The following KIF21B variants were observed in gnomAD, a reference collection of about 807,000 sequenced individuals.
KIF21B encodes kinesin-like protein KIF21B.
In KIF21B, 85 loss-of-function variants were observed where a neutral mutation model predicts 192.9. That is an observed-to-expected ratio of 0.44 (90% CI 0.37 to 0.53). KIF21B has a LOEUF of 0.53. KIF21B is among the 20% of genes least tolerant of loss of function. KIF21B has a pLI of 0.00. For missense variants in KIF21B, 1,716 were observed against 2,194.8 expected (o/e 0.78, Z 4.36); for synonymous variants, 832 against 884.6 (o/e 0.94, Z 1.05).
intron 31 of KIF21B, among the ~76,000 whole-genome samples, 153 bp from the exon 32 acceptor site, chr1:200,977,046 C>G (rs1655599506): frequency 6.6e-6 from 1 of 152,222 alleles, no homozygotes; most frequent in Non-Finnish European, 1.5e-5. Context: ...ATGAGCTACC[C>G]TGCATCCCAG....
intron 26 of KIF21B, among the ~76,000 whole-genome samples, chr1:200,985,823 T>TCCCTC (rs1656259677): frequency 1.3e-5 from 1 of 78,536 alleles, no homozygotes; most frequent in Admixed American, 1.3e-4. Context: ...TCCTTTCCCT[T>TCCCTC]CCCTTCCCTT....
chr1:200,988,400 T>G (rs768384025), intron 23 of KIF21B, 47 bp from the exon 24 acceptor site: 24 of 1,612,572 alleles, frequency 1.5e-5, no homozygotes, highest in Non-Finnish European at 2.0e-5. Flanking sequence ...AGCCCCCAAA[T>G]TCAGGCTCAG....
intron 1 of KIF21B, 82 bp from the exon 2 acceptor site, chr1:201,009,570 G>A (rs1658117136): frequency 1.5e-6 from 2 of 1,336,164 alleles, no homozygotes; most frequent in Non-Finnish European, 2.1e-6. Flanking sequence ...TGCCTGCCAA[G>A]CTGCCACTTC....
chr1:201,006,682 T>G (rs1010076017), intron 3 of KIF21B, among the ~76,000 whole-genome samples: 1 of 152,136 alleles, frequency 6.6e-6, no homozygotes. Flanking sequence ...GAACCTGCTC[T>G]TCCGGGCTTC....
At chr1:200,984,415 G>T (rs1656148208) in intron 27 of KIF21B, among the ~76,000 whole-genome samples, 1 of 152,230 alleles carries the variant, frequency 6.6e-6, no homozygotes, top group Non-Finnish European at 1.5e-5. Flanking sequence ...AGGTGGACCT[G>T]AACCTGCCTG....
In KIF21B at chr1:200,990,598, G is replaced by A. The variant is rs1388419064; in HGVS notation, c.2813C>T (p.Ala938Val). Residue 938 changes from alanine (A) to valine (V), a missense_variant, in exon 19 of 35, where the codon GCT becomes GTT. Ala to Val is a moderately conservative substitution (Grantham distance 64). Transcript: ENST00000461742. The surrounding 1 kb of genome is among the most constrained non-coding windows in gnomAD (Gnocchi z 5.4). The part of the protein sequence containing the change: ...MQRMTIVNLE[A>V]DMERLIKKRE... ...CACCTTGATGAGCCGCTCCATGTCA[G>A]CCTCCAGGTTGACAATGGTCATTCT... is the stretch of plus-strand genomic sequence containing the variant. 2 of 1,614,062 alleles carry A rather than the reference G, an allele frequency of 1.2e-6. No individual in the cohort carries two copies. Among genetic ancestry groups the A allele is most frequent in the East Asian group, 2.2e-5 (1 of 44,882 alleles).
rs1655464132 is a variant in KIF21B at position 200,975,226 on chromosome 1, T to C, written c.4614+273A>G. 6.6e-6 allele frequency among the ~76,000 whole-genome samples: 1 copy of C among 152,194 alleles called. No individual in the cohort carries two copies. The highest frequency in any genetic ancestry group is 1.5e-5 in the Non-Finnish European group (1 of 68,022). ...GCTCCCAGGAAAGGAATTGGGTAAC[T>C]GAGCTTCACATGCAAACCCAAGAGC... On this transcript the variant is annotated intron_variant, in intron 33 of 34. Transcript: ENST00000461742. This position sits in a 1 kb window ranked among gnomAD's most constrained non-coding sequence, Gnocchi z 4.3.
chr1:200,991,613 G>A lies in KIF21B; in HGVS notation c.2454+44C>T, dbSNP rs139568939. The A allele has an allele frequency of 3.5e-4, 560 of 1,586,008 alleles. 3 individuals carry two copies. In the African/African-American group the frequency reaches 6.4e-3, roughly 18 times the overall value. ...GCAATGCACACATGCACGCACACAT[G>A]TGCAGCAGGGCCAGGGCCTCGCCAG... On this transcript the variant is annotated intron_variant, in intron 17 of 34. Transcript: ENST00000461742.
At chr1:201,004,687 G>A in intron 6 of KIF21B, 79 bp downstream of exon 6, 3 of 1,542,012 alleles carry the variant, frequency 1.9e-6, no homozygotes, top group Non-Finnish European at 1.8e-6. Flanking sequence ...GACTCAGCAG[G>A]TGTAGGACTG....
chr1:200,985,116 GAAACTCCTGGATGCTGTCTTT>G, intron 26 of KIF21B, 144 bp from the exon 27 acceptor site: 1 of 518,632 alleles, frequency 1.9e-6, no homozygotes, highest in Non-Finnish European at 3.4e-6. Context: ...AACACCCAAT[GAAACTCCTGGATGCTGTCTTT>G]AAACATCAAT....
intron 16 of KIF21B, 87 bp from the exon 17 acceptor site, chr1:200,991,812 A>ATTCTC: frequency 7.3e-7 from 1 of 1,373,834 alleles, no homozygotes; most frequent in Non-Finnish European, 1.0e-6. Flanking sequence ...CCTGTAGTTG[A>ATTCTC]AAGCCTGGGC....
rs1657427807 is a variant in KIF21B at position 201,000,581 on chromosome 1, C to T, written c.1494G>A (p.Met498Ile). The part of the protein sequence containing the change: ...LRTKLLESEA[M>I]NESLRRSLSR... ...AGAGGCTGCGGCGCAGGGACTCGTT[C>T]ATGGCTTCACTCTCTAGAAGCTTAG... The change falls in exon 11 of 35, where the codon ATG becomes ATA. Residue 498 changes from methionine (M) to isoleucine (I), a missense_variant. By Grantham distance (10) the Met-to-Ile change is conservative. Coordinates refer to ENST00000461742, the MANE Select transcript of KIF21B (RefSeq NM_001252102.2). This position sits in a 1 kb window ranked among gnomAD's most constrained non-coding sequence, Gnocchi z 6.0. The T allele has an allele frequency of 6.2e-7, 1 of 1,613,406 alleles. No individual in the cohort carries two copies. The highest frequency in any genetic ancestry group is 8.5e-7 in the Non-Finnish European group (1 of 1,179,970).
At position 200,973,257 on chromosome 1, in the gene KIF21B, G is replaced by A. The variant is rs11586032; in HGVS notation, c.*264C>T. The A allele has an allele frequency of 0.089, 36,545 of 412,450 alleles. 2,089 individuals carry two copies. Among genetic ancestry groups the A allele is most frequent in the Non-Finnish European group, 0.12 (27,700 of 238,216 alleles). 25.5% of individuals were successfully genotyped at this position (412,450 alleles called of 1,614,324 possible). ...CAATGTGGCCACGACTGCCAGGAGGGGAACAAGAAGGGATAATGCCCTTTG... is the reference window on the plus strand; with the variant it reads ...CAATGTGGCCACGACTGCCAGGAGGAGAACAAGAAGGGATAATGCCCTTTG... On this transcript the variant is annotated 3_prime_UTR_variant, in exon 35 of 35. Transcript: ENST00000461742.
intron 15 of KIF21B, among the ~76,000 whole-genome samples, chr1:200,993,894 G>A (rs1470577098): frequency 6.6e-6 from 1 of 152,154 alleles, no homozygotes; most frequent in African/African-American, 2.4e-5. Context: ...AATCTGCAGA[G>A]AAGAGGAGGG....
Position 200,990,216 on chromosome 1 carries a change from C to T in KIF21B, c.2952G>A (p.Val984=). Reference sequence around the variant, plus strand: ...TGATGTAGTCAATGTTGGCTGCCAGCACCTCGATCTCCTCAGCCAGCTCCT... The same window carrying T: ...TGATGTAGTCAATGTTGGCTGCCAGTACCTCGATCTCCTCAGCCAGCTCCT... ...GLQELAEEIE[V]LAANIDYIND... is the part of the protein sequence containing the mutation. Residue 984 remains valine, a synonymous_variant, in exon 20 of 35, where the codon GTG becomes GTA. Transcript: ENST00000461742. The surrounding 1 kb of genome is among the most constrained non-coding windows in gnomAD (Gnocchi z 5.4). 6.2e-7 allele frequency: 1 copy of T among 1,614,152 alleles called. No homozygotes were observed. The highest frequency in any genetic ancestry group is 8.5e-7 in the Non-Finnish European group (1 of 1,180,024).
In KIF21B at chr1:200,975,602, T is replaced by C. The variant is rs1407167199; in HGVS notation, c.4511A>G (p.Tyr1504Cys). The C allele has an allele frequency of 6.2e-7, 1 of 1,614,058 alleles. No homozygotes were observed. Residue 1504 changes from tyrosine (Y) to cysteine (C), a missense_variant, in exon 33 of 35, where the codon TAC (tyrosine) becomes TGC (cysteine). Around this residue, in one of 3 missense-constraint regions of KIF21B, gnomAD observed 580 missense variants for 775.5 expected, o/e 0.75. Coordinates refer to ENST00000461742, the MANE Select transcript of KIF21B (RefSeq NM_001252102.2). This position sits in a 1 kb window ranked among gnomAD's most constrained non-coding sequence, Gnocchi z 4.3. ...GPTHNFEPPHYDGIECLAIQG... is the reference protein window; with the variant it reads ...GPTHNFEPPHCDGIECLAIQG... ...GATGGCGAGACACTCGATGCCATCG[T>C]AGTGCGGGGGCTCGAAGTTGTGAGT...
rs537002522 is a variant in KIF21B, at chr1:200,975,440, C to T, written c.4614+59G>A. 145 of 1,512,026 alleles carry T rather than the reference C, an allele frequency of 9.6e-5. 2 individuals are homozygous for T. In the South Asian group the frequency reaches 1.3e-3, roughly 14 times the overall value. 93.7% of individuals were successfully genotyped at this position (1,512,026 alleles called of 1,614,324 possible). On this transcript the variant is annotated intron_variant, in intron 33 of 34. Coordinates refer to ENST00000461742, the MANE Select transcript of KIF21B (RefSeq NM_001252102.2). This position sits in a 1 kb window ranked among gnomAD's most constrained non-coding sequence, Gnocchi z 4.3. ...AGGTCCCAGGGTCTCCAAGGCCCTG[C>T]GTGGGCTATGGAAACCACCCTACCC... is the stretch of plus-strand genomic sequence containing the variant.
chr1:200,974,199 G>C, intron 34 of KIF21B: 1 of 1,547,568 alleles, frequency 6.5e-7, no homozygotes, highest in Non-Finnish European at 8.7e-7. Flanking sequence ...CAGTCACTGT[G>C]TGGGGAGAGA....
chr1:200,982,713 G>A lies in KIF21B; in HGVS notation c.3842+343C>T, dbSNP rs985600059. Among the ~76,000 whole-genome samples, 6 of 152,172 alleles carry A rather than the reference G, an allele frequency of 3.9e-5. No homozygotes were observed. The highest frequency in any genetic ancestry group is 7.4e-5 in the Non-Finnish European group (5 of 68,018). On this transcript the variant is annotated intron_variant, in intron 28 of 34. Transcript: ENST00000461742. The surrounding 1 kb of genome is among the most constrained non-coding windows in gnomAD (Gnocchi z 4.7). ...TCAGCATTTCCCCTGCCTTCCAGTC[G>A]TGGAGAACTCAGCCCCAGCCCAGCA...
Sources: gnomAD v4.1 joint callset for allele counts (sites outside exome capture counted in the v4.1 genomes callset) on GRCh38, gnomAD v4.1.1 for gene constraint, gnomAD v4.1.1 regional missense constraint, Gnocchi (gnomAD v3.1) non-coding constraint, MANE v1.5 for transcripts, NCBI Gene and HGNC (gene_info 2026-07-23, HGNC 2026-07-21) for gene names.